The following USH2A variants were observed in gnomAD, a reference collection of about 807,000 sequenced individuals.
USH2A encodes usherin.
USH2A carries 443 observed loss-of-function variants against 538.9 expected under a neutral mutation model. That is an observed-to-expected ratio of 0.82 (90% confidence interval 0.76 to 0.89). The LOEUF is 0.89. Ranked by LOEUF, USH2A falls within the 40% of genes least tolerant of loss-of-function variation. The pLI, the probability that USH2A is intolerant of heterozygous loss-of-function variation, is 0.00. For synonymous variants in USH2A, 2,413 were observed against 2,273.5 expected, an observed-to-expected ratio of 1.06 and a Z score of -1.75; for missense variants, 6,633 against 6,324.8, an observed-to-expected ratio of 1.05 and a Z score of -1.65.
At chr1:215,735,227 C>A (rs1338681809) in intron 60 of USH2A, among the ~76,000 whole-genome samples, 1 of 152,186 alleles carries the variant, frequency 6.6e-6, no homozygotes, top group Admixed American at 6.5e-5. Context: ...TATGCATTTA[C>A]ATTTTAATAA....
At chr1:215,958,219 A>G (rs370521356) in intron 37 of USH2A, among the ~76,000 whole-genome samples, 2 of 152,146 alleles carry the variant, frequency 1.3e-5, no homozygotes, top group South Asian at 4.1e-4. Flanking sequence ...TGTGAAAAGG[A>G]CACTGGATTT....
At chr1:216,185,837 A>G (rs1379674462) in intron 20 of USH2A, among the ~76,000 whole-genome samples, 2 of 151,984 alleles carry the variant, frequency 1.3e-5, no homozygotes, top group Non-Finnish European at 2.9e-5. Context: ...AGAAATACAC[A>G]TTCATCTACT....
chr1:216,314,638 G>A (rs1307067179), intron 9 of USH2A, among the ~76,000 whole-genome samples: 1 of 152,052 alleles, frequency 6.6e-6, no homozygotes, highest in Non-Finnish European at 1.5e-5. Flanking sequence ...GCATTCTAGA[G>A]TGTGATGTTG....
rs866601453 is a variant in USH2A, at chr1:215,912,785, T to G, written c.7301-11880A>C. On this transcript the variant is annotated intron_variant, in intron 38 of 71. Transcript: ENST00000307340. ...TAAGCTTAGTACCCAAAGGTTATTTTTTCTGTTCCTCTCCATCTTCCCACC... is the reference window on the plus strand; with the variant it reads ...TAAGCTTAGTACCCAAAGGTTATTTGTTCTGTTCCTCTCCATCTTCCCACC... Among the ~76,000 whole-genome samples, 28 of 152,150 alleles carry G rather than the reference T, an allele frequency of 1.8e-4. No homozygotes were observed. The Middle Eastern group carries it at 0.02, about 111-fold the overall frequency.
At chr1:215,841,599 A>G (rs968198564) in intron 46 of USH2A, among the ~76,000 whole-genome samples, 1 of 152,240 alleles carries the variant, frequency 6.6e-6, no homozygotes, top group Non-Finnish European at 1.5e-5. Context: ...ATCCTAGAAG[A>G]AAACCCAGGC....
In USH2A at chr1:215,625,714, T is replaced by C; in HGVS notation, c.*67A>G. 1 of 1,426,676 alleles carries C rather than the reference T, an allele frequency of 7.0e-7. No individual in the cohort carries two copies. Among genetic ancestry groups the C allele is most frequent in the Non-Finnish European group, 9.9e-7 (1 of 1,009,620 alleles). The allele number at this position is 1,426,676 out of a possible 1,614,324, so 88.4% of individuals were successfully genotyped here. A position where few individuals can be genotyped will look rare whatever the true frequency, so the allele number is the denominator to read the frequency against. ...CTTTTCAGCATTTATGATGTGTGAGTGATAACCCAGGAGGAAATGGGTGCA... is the reference window on the plus strand; with the variant it reads ...CTTTTCAGCATTTATGATGTGTGAGCGATAACCCAGGAGGAAATGGGTGCA... On this transcript the variant is annotated 3_prime_UTR_variant, in exon 72 of 72. Transcript: ENST00000307340.
chr1:215,927,555 G>A (rs868398983), intron 38 of USH2A, among the ~76,000 whole-genome samples: 19 of 152,040 alleles, frequency 1.2e-4, no homozygotes, highest in Middle Eastern at 3.4e-3. Flanking sequence ...TTTCAGTTAA[G>A]TGTTCAACCA....
intron 21 of USH2A, among the ~76,000 whole-genome samples, chr1:216,106,681 T>G (rs1313043881): frequency 1.3e-5 from 2 of 151,672 alleles, no homozygotes; most frequent in East Asian, 3.9e-4. Flanking sequence ...TCTGCCTTAA[T>G]TTTTTTCATT....
intron 32 of USH2A, among the ~76,000 whole-genome samples, chr1:216,028,892 G>A (rs1372666425): frequency 6.6e-6 from 1 of 152,094 alleles, no homozygotes; most frequent in Non-Finnish European, 1.5e-5. Context: ...TTGTAAAACA[G>A]TCTGGTCCCA....
At chr1:215,720,378 A>C (rs1659620896) in intron 61 of USH2A, among the ~76,000 whole-genome samples, 1 of 152,224 alleles carries the variant, frequency 6.6e-6, no homozygotes, top group African/African-American at 2.4e-5. Flanking sequence ...TTCCTACTGC[A>C]CTGATGAAAT....
Position 215,754,717 on chromosome 1 carries a change from T to A in USH2A, c.11389+3878A>T, listed in dbSNP as rs147667146. Reference sequence around the variant, plus strand: ...GATCCCAAGAAAGTTTTTGAATTTATGTTGGGTGGCATTCAAAGCCATCCT... The same window carrying A: ...GATCCCAAGAAAGTTTTTGAATTTAAGTTGGGTGGCATTCAAAGCCATCCT... On this transcript the variant is annotated intron_variant, in intron 58 of 71. Transcript: ENST00000307340. 7.7e-3 allele frequency among the ~76,000 whole-genome samples: 1,177 copies of A among 152,270 alleles called. 14 individuals are homozygous for A. The highest frequency in any genetic ancestry group is 0.024 in the Middle Eastern group (7 of 294).
At chr1:215,779,709 C>T in intron 55 of USH2A, 134 bp downstream of exon 55, 1 of 1,061,658 alleles carries the variant, frequency 9.4e-7, no homozygotes, top group East Asian at 2.6e-5. Context: ...TAAGTGGGAC[C>T]TGACCATATG....
chr1:215,836,498 AATATATAT>A (rs1256167478), intron 47 of USH2A, among the ~76,000 whole-genome samples: 274 of 17,780 alleles, frequency 0.015, 27 homozygotes, highest in African/African-American at 0.039. Flanking sequence ...TTATATATAT[AATATATAT>A]TATATATATA....
At chr1:216,151,017 G>A (rs2033820684) in intron 21 of USH2A, among the ~76,000 whole-genome samples, 2 of 152,008 alleles carry the variant, frequency 1.3e-5, no homozygotes, top group African/African-American at 4.8e-5. Context: ...TCCATCCTTG[G>A]CTACCTTCCC....
intron 13 of USH2A, among the ~76,000 whole-genome samples, chr1:216,239,517 G>A (rs2035893716): frequency 6.6e-6 from 1 of 152,214 alleles, no homozygotes; most frequent in Admixed American, 6.5e-5. Context: ...GGCTGGAGAG[G>A]AAGAAATGAT....
chr1:216,068,926 T>G (rs73096606), intron 30 of USH2A, among the ~76,000 whole-genome samples: 2,783 of 152,196 alleles, frequency 0.018, 99 homozygotes, highest in African/African-American at 0.063. Context: ...AAATTGTTTT[T>G]TCTATGGTGT....
chr1:216,217,665 T>TC, intron 14 of USH2A, 115 bp from the exon 15 acceptor site: 1 of 1,226,612 alleles, frequency 8.2e-7, no homozygotes, highest in South Asian at 1.3e-5. Flanking sequence ...TTAGCCAATA[T>TC]ATTGAAAAGA....
In USH2A at chr1:216,323,574, G is replaced by C. The variant is rs766370703; in HGVS notation, c.1450C>G (p.Gln484Glu). 3 of 1,613,398 alleles carry C rather than the reference G, an allele frequency of 1.9e-6. No homozygotes were observed. The highest frequency in any genetic ancestry group is 2.5e-6 in the Non-Finnish European group (3 of 1,179,760). ...TGCCCATGAAAATGAAACCTTATTT[G>C]CGTGGCTTTTACGAACTCTTGAAGA... is the stretch of plus-strand genomic sequence containing the variant. ...PSLQEFVKAT[Q>E]IRFHFHGQYY... Residue 484 changes from glutamine to glutamate, a missense_variant, in exon 8 of 72, where the codon CAA becomes GAA. Transcript: ENST00000307340.
intron 32 of USH2A, among the ~76,000 whole-genome samples, chr1:216,007,002 AT>A (rs1389176541): frequency 6.6e-6 from 1 of 152,104 alleles, no homozygotes; most frequent in Non-Finnish European, 1.5e-5. Context: ...GTGGGAGATA[AT>A]TGAATCATGG....
Sources: gnomAD v4.1 joint callset for allele counts (sites outside exome capture counted in the v4.1 genomes callset) on GRCh38, gnomAD v4.1.1 for gene constraint, MANE v1.5 for transcripts, NCBI Gene and HGNC (gene_info 2026-07-23, HGNC 2026-07-21) for gene names.